Variants in BMPR1B observed in about 807,000 individuals in gnomAD.
The protein encoded by BMPR1B is bone morphogenetic protein receptor type-1B.
BMPR1B carries 12 observed loss-of-function variants against 59.1 expected under a neutral mutation model. That is an observed-to-expected ratio of 0.20 (90% CI 0.13 to 0.33). The LOEUF is 0.33. BMPR1B is among the 10% of genes least tolerant of loss of function. The pLI is 1.00. For synonymous variants in BMPR1B, 237 were observed against 207.3 expected (o/e 1.14, Z -1.23); for missense variants, 550 against 610.9 (o/e 0.90, Z 1.05).
At chr4:95,013,704 A>C (rs2149127206) in intron 3 of BMPR1B, among the ~76,000 whole-genome samples, 1 of 152,262 alleles carries the variant, frequency 6.6e-6, no homozygotes, top group Non-Finnish European at 1.5e-5. Context: ...TAATTGTTTG[A>C]AGTCATCAAC....
intron 2 of BMPR1B, among the ~76,000 whole-genome samples, chr4:94,885,313 A>G (rs965329758): frequency 6.6e-6 from 1 of 152,224 alleles, no homozygotes; most frequent in African/African-American, 2.4e-5. Context: ...GAAGATGACT[A>G]AGTAAAAAGG....
At chr4:94,765,660 A>G (rs1251558582) in intron 1 of BMPR1B, among the ~76,000 whole-genome samples, 3 of 152,080 alleles carry the variant, frequency 2.0e-5, no homozygotes, top group Admixed American at 1.3e-4. Context: ...GAGGTCTAAC[A>G]TAACTGTTAT....
chr4:95,095,711 G>A (rs1730323326), intron 3 of BMPR1B, among the ~76,000 whole-genome samples: 1 of 151,990 alleles, frequency 6.6e-6, no homozygotes, highest in South Asian at 2.1e-4. Flanking sequence ...GAATTTTAAA[G>A]TCTCATATCC....
chr4:95,085,130 C>G (rs1057276402), intron 3 of BMPR1B, among the ~76,000 whole-genome samples: 1 of 152,122 alleles, frequency 6.6e-6, no homozygotes, highest in East Asian at 1.9e-4. Context: ...TTGTAAAACC[C>G]TTCTTTAGCC....
chr4:94,805,608 C>T (rs182918866), intron 1 of BMPR1B, among the ~76,000 whole-genome samples: 143 of 152,234 alleles, frequency 9.4e-4, no homozygotes, highest in Non-Finnish European at 1.8e-3. Context: ...GCTACACTTA[C>T]ATTATTATTC....
At chr4:94,986,297 C>A (rs1351887137) in intron 2 of BMPR1B, among the ~76,000 whole-genome samples, 2 of 152,098 alleles carry the variant, frequency 1.3e-5, no homozygotes, top group Non-Finnish European at 2.9e-5. Context: ...TGTTCTTGCT[C>A]AGTCTAGGAC....
intron 10 of BMPR1B, among the ~76,000 whole-genome samples, chr4:95,136,934 A>G (rs1009732009): frequency 6.6e-6 from 1 of 151,652 alleles, no homozygotes; most frequent in African/African-American, 2.4e-5. Context: ...GATCTTAGTT[A>G]TTTCTTGCCT....
chr4:95,025,634 C>G (rs1241664904), intron 3 of BMPR1B, among the ~76,000 whole-genome samples: 1 of 150,692 alleles, frequency 6.6e-6, no homozygotes, highest in Non-Finnish European at 1.5e-5. Flanking sequence ...GAAGTTGCCA[C>G]TTCAGTAGCT....
intron 10 of BMPR1B, among the ~76,000 whole-genome samples, chr4:95,132,551 T>C (rs1733437532): frequency 1.3e-5 from 2 of 152,146 alleles, no homozygotes; most frequent in South Asian, 4.1e-4. Context: ...TGATTTGGGC[T>C]ATAGATTTAA....
chr4:94,792,512 T>C (rs542576054), intron 1 of BMPR1B, among the ~76,000 whole-genome samples: 49 of 152,026 alleles, frequency 3.2e-4, no homozygotes, highest in Non-Finnish European at 5.9e-4. Flanking sequence ...CTTTTTGCTT[T>C]TTTTAGTACT....
chr4:95,000,826 A>G (rs1319557103), intron 3 of BMPR1B, among the ~76,000 whole-genome samples: 3 of 152,230 alleles, frequency 2.0e-5, no homozygotes, highest in Non-Finnish European at 4.4e-5. Flanking sequence ...AAAGGATTTT[A>G]CCAGAACAAT....
At chr4:95,022,120 A>G (rs1233552148) in intron 3 of BMPR1B, among the ~76,000 whole-genome samples, 1 of 152,184 alleles carries the variant, frequency 6.6e-6, no homozygotes, top group East Asian at 1.9e-4. Context: ...AGAAACAAGA[A>G]GGCTCCTTCA....
chr4:94,769,726 G>T (rs1722101271), intron 1 of BMPR1B, among the ~76,000 whole-genome samples: 1 of 152,206 alleles, frequency 6.6e-6, no homozygotes, highest in African/African-American at 2.4e-5. Flanking sequence ...GAAATGTGAA[G>T]TTGATTCAGT....
chr4:94,842,537 C>G (rs1193435899), intron 1 of BMPR1B, among the ~76,000 whole-genome samples: 1 of 152,104 alleles, frequency 6.6e-6, no homozygotes, highest in Non-Finnish European at 1.5e-5. Flanking sequence ...TATTAATAAT[C>G]ATAGTAAAAA....
At position 95,155,475 on chromosome 4, in the gene BMPR1B, C is replaced by CTTTTTTTTTTT. The variant is rs548956012; in HGVS notation, c.*824_*834dup. 10 of 64,314 alleles carry CTTTTTTTTTTT rather than the reference C, an allele frequency of 1.6e-4. No homozygotes were observed. The highest frequency in any genetic ancestry group is 8.1e-4 in the South Asian group (1 of 1,234). The allele number at this position is 64,314 out of a possible 1,614,324, so 4.0% of individuals were successfully genotyped here. A position where few individuals can be genotyped will look rare whatever the true frequency, so the allele number is the denominator to read the frequency against. On this transcript the variant is annotated 3_prime_UTR_variant, in exon 13 of 13. Coordinates refer to ENST00000515059, the MANE Select transcript of BMPR1B (RefSeq NM_001203.3). ...CCCTTTTCATTAAACACAAAGAAAG[C>CTTTTTTTTTTT]TTTTTTTTTTTTTTTTTTTTTTTTT...
chr4:95,131,073 T>G (rs977268920), intron 9 of BMPR1B, 142 bp from the exon 10 acceptor site: 2 of 870,132 alleles, frequency 2.3e-6, no homozygotes, highest in African/African-American at 3.4e-5. Flanking sequence ...ATTAGTCATT[T>G]AATACCATCA....
intron 1 of BMPR1B, among the ~76,000 whole-genome samples, chr4:94,804,556 T>C (rs1024481969): frequency 7.9e-5 from 12 of 151,972 alleles, no homozygotes; most frequent in African/African-American, 2.9e-4. Context: ...AGACAGATAT[T>C]TGAATAACTT....
At chr4:94,792,940 T>C (rs578077826) in intron 1 of BMPR1B, among the ~76,000 whole-genome samples, 1 of 152,320 alleles carries the variant, frequency 6.6e-6, no homozygotes, top group Non-Finnish European at 1.5e-5. Flanking sequence ...CGGCAGTGTT[T>C]AGATAGTCAG....
chr4:95,091,744 C>A, intron 3 of BMPR1B: 1 of 875,062 alleles, frequency 1.1e-6, no homozygotes, highest in Non-Finnish European at 1.4e-6. Context: ...AGAACTTAGC[C>A]TTTTTTGGCA....
Sources: gnomAD v4.1 joint callset for allele counts (sites outside exome capture counted in the v4.1 genomes callset) on GRCh38, gnomAD v4.1.1 for gene constraint, MANE v1.5 for transcripts, NCBI Gene and HGNC (gene_info 2026-07-23, HGNC 2026-07-21) for gene names.